HMGCLL1: variants seen among roughly 807,000 people sequenced by gnomAD.
HMGCLL1 encodes the protein 3-hydroxymethyl-3-methylglutaryl-CoA lyase, cytoplasmic.
A neutral mutation model predicts 39.1 loss-of-function variants in HMGCLL1; 36 were observed. The ratio of observed to expected loss-of-function variants is 0.92; its 90% CI spans 0.71 to 1.22. The LOEUF (loss-of-function observed/expected upper bound fraction) is 1.22. Among genes scored for constraint, HMGCLL1 ranks in the 50% most tolerant of loss-of-function variants. HMGCLL1 has a pLI of 0.00. For missense variants in HMGCLL1, 451 were observed against 416.5 expected, an observed-to-expected ratio of 1.08 and a Z score of -0.72; for synonymous variants, 149 against 144.0, an observed-to-expected ratio of 1.03 and a Z score of -0.25.
At chr6:55,595,787 T>C in the HMGCLL1 span, among the ~76,000 whole-genome samples, 2 of 152,252 alleles carry the variant, frequency 1.3e-5, no homozygotes, top group Admixed American at 6.5e-5. Flanking sequence ...AAATTGAAGA[T>C]AAAGATGTAA....
At chr6:55,666,423 G>A in the HMGCLL1 span, among the ~76,000 whole-genome samples, 2 of 151,608 alleles carry the variant, frequency 1.3e-5, no homozygotes, top group Non-Finnish European at 2.9e-5. Flanking sequence ...AGTCAGGGTA[G>A]GCAAAGTCCT....
chr6:55,464,651 A>T (rs1265972593), intron 7 of HMGCLL1, among the ~76,000 whole-genome samples: 1 of 152,074 alleles, frequency 6.6e-6, no homozygotes, highest in African/African-American at 2.4e-5. Flanking sequence ...GGTAAACTCA[A>T]ATTCCTACCA....
rs572518146 is a variant in HMGCLL1, at chr6:55,550,931, T to C, written c.109-8791A>G. Among the ~76,000 whole-genome samples, 139 of 151,374 alleles carry C rather than the reference T, an allele frequency of 9.2e-4. 2 individuals are homozygous for C. Among genetic ancestry groups the C allele is most frequent in the African/African-American group, 3.2e-3 (133 of 41,046 alleles). The stretch of plus-strand genomic sequence containing the variant: ...GTGTTAAGGTTAAGCCATCCTGACC[T>C]ATACAATAAAAATTAATGAAGGCTA... On this transcript the variant is annotated intron_variant, in intron 1 of 8. Transcript: ENST00000274901.
At chr6:55,667,725 T>C in the HMGCLL1 span, among the ~76,000 whole-genome samples, 1 of 151,804 alleles carries the variant, frequency 6.6e-6, no homozygotes, top group Non-Finnish European at 1.5e-5. Flanking sequence ...AATATTTTCC[T>C]TATCTACCAA....
At chr6:55,662,110 A>G in the HMGCLL1 span, among the ~76,000 whole-genome samples, 4 of 151,798 alleles carry the variant, frequency 2.6e-5, no homozygotes, top group African/African-American at 9.7e-5. Flanking sequence ...AGTTTTCCAG[A>G]TATAGAATCA....
chr6:55,671,035 A>C, the HMGCLL1 span, among the ~76,000 whole-genome samples: 163 of 151,890 alleles, frequency 1.1e-3, no homozygotes, highest in Non-Finnish European at 2.0e-3. Flanking sequence ...TACCAGGAAT[A>C]AAAAGGAAAA....
chr6:55,574,160 T>G (rs1036784363), intron 1 of HMGCLL1, among the ~76,000 whole-genome samples: 6 of 152,036 alleles, frequency 3.9e-5, no homozygotes, highest in African/African-American at 1.4e-4. Flanking sequence ...TGTATGTAAT[T>G]TCAAACAAAG....
At chr6:55,669,830 A>C in the HMGCLL1 span, among the ~76,000 whole-genome samples, 1 of 151,856 alleles carries the variant, frequency 6.6e-6, no homozygotes, top group African/African-American at 2.4e-5. Context: ...AAAGATTTTT[A>C]AAAAATGAAC....
chr6:55,562,273 T>C (rs962108629), intron 1 of HMGCLL1, among the ~76,000 whole-genome samples: 7 of 152,112 alleles, frequency 4.6e-5, no homozygotes, highest in African/African-American at 1.7e-4. Flanking sequence ...TACATACTAT[T>C]TGTTTAGAAT....
At chr6:55,572,937 A>G (rs573795486) in intron 1 of HMGCLL1, among the ~76,000 whole-genome samples, 20 of 152,336 alleles carry the variant, frequency 1.3e-4, no homozygotes, top group African/African-American at 4.6e-4. Flanking sequence ...CCCAACAGTC[A>G]GCAGAACTTT....
intron 7 of HMGCLL1, among the ~76,000 whole-genome samples, chr6:55,457,740 A>T (rs939874090): frequency 3.9e-5 from 6 of 152,098 alleles, no homozygotes; most frequent in Non-Finnish European, 7.4e-5. Flanking sequence ...GCTATATCAA[A>T]AGTCACAGAG....
intron 8 of HMGCLL1, among the ~76,000 whole-genome samples, chr6:55,436,567 T>C (rs1238079685): frequency 6.6e-6 from 1 of 152,044 alleles, no homozygotes; most frequent in Non-Finnish European, 1.5e-5. Flanking sequence ...CTTGCCCTTA[T>C]GTGGCATTTC....
At chr6:55,628,616 T>C in the HMGCLL1 span, among the ~76,000 whole-genome samples, 1 of 151,998 alleles carries the variant, frequency 6.6e-6, no homozygotes, top group Admixed American at 6.6e-5. Context: ...AGGTTTCCAC[T>C]GAAAAGTCTG....
upstream of HMGCLL1, among the ~76,000 whole-genome samples, chr6:55,581,678 A>G (rs1771989547): frequency 6.6e-6 from 1 of 152,110 alleles, no homozygotes. Flanking sequence ...CTCTTGCAAT[A>G]TAACAGGTTA....
chr6:55,582,978 A>C (rs971152397), upstream of HMGCLL1, among the ~76,000 whole-genome samples: 16 of 152,122 alleles, frequency 1.1e-4, no homozygotes, highest in African/African-American at 3.9e-4. Flanking sequence ...AGGTAGCTAG[A>C]AAATGATCAT....
At chr6:55,564,993 G>A (rs1274972264) in intron 1 of HMGCLL1, among the ~76,000 whole-genome samples, 2 of 151,916 alleles carry the variant, frequency 1.3e-5, no homozygotes, top group Non-Finnish European at 2.9e-5. Context: ...TCATCCTAAG[G>A]ATTTGTAGCA....
the HMGCLL1 span, among the ~76,000 whole-genome samples, chr6:55,603,761 T>C: frequency 6.6e-6 from 1 of 152,174 alleles, no homozygotes; most frequent in Non-Finnish European, 1.5e-5. Context: ...ACCAAAGTTA[T>C]ATAAGCATGT....
the HMGCLL1 span, among the ~76,000 whole-genome samples, chr6:55,594,592 G>A: frequency 6.6e-6 from 1 of 152,136 alleles, no homozygotes; most frequent in Admixed American, 6.6e-5. Context: ...ATCATTTCCA[G>A]ATGCAACATA....
At chr6:55,518,591 T>C (rs1262778972) in intron 3 of HMGCLL1, among the ~76,000 whole-genome samples, 2 of 152,182 alleles carry the variant, frequency 1.3e-5, no homozygotes, top group African/African-American at 2.4e-5. Flanking sequence ...ACAGCTTCCA[T>C]ATGGCTTTCT....
Sources: gnomAD v4.1 joint callset for allele counts (sites outside exome capture counted in the v4.1 genomes callset) on GRCh38, gnomAD v4.1.1 for gene constraint, MANE v1.5 for transcripts, NCBI Gene and HGNC (gene_info 2026-07-23, HGNC 2026-07-21) for gene names.